DIAPH1: variants seen among roughly 807,000 people sequenced by gnomAD.
DIAPH1 encodes protein diaphanous homolog 1.
A neutral mutation model predicts 140.7 loss-of-function variants in DIAPH1; 46 were observed. The ratio of observed to expected loss-of-function variants is 0.33; its 90% CI spans 0.26 to 0.42. The LOEUF (loss-of-function observed/expected upper bound fraction) is 0.42. Ranked by LOEUF, DIAPH1 falls within the 10% of genes least tolerant of loss-of-function variation. The probability of loss-of-function intolerance (pLI) is 1.00; values close to 1 mark genes in which losing one functional copy is unlikely to be tolerated. For missense variants in DIAPH1, 1,310 were observed against 1,558.7 expected (o/e 0.84, Z 2.69); for synonymous variants, 565 against 551.6 (o/e 1.02, Z -0.34).
chr5:141,571,908 A>G lies in DIAPH1; in HGVS notation c.2473+18T>C, dbSNP rs781448970. 1.9e-6 allele frequency: 3 copies of G among 1,549,256 alleles called. No homozygotes were observed. Among genetic ancestry groups the G allele is most frequent in the Non-Finnish European group, 2.7e-6 (3 of 1,120,830 alleles). On this transcript the variant is annotated intron_variant, in intron 17 of 27. Coordinates refer to ENST00000389054, the MANE Select transcript of DIAPH1 (RefSeq NM_005219.5). Reference sequence around the variant, plus strand: ...AAGCCCTACACTGGACCTTTGCATCAAAGAGGAAGGTACTCACTCTTGGTC... The same window carrying G: ...AAGCCCTACACTGGACCTTTGCATCGAAGAGGAAGGTACTCACTCTTGGTC...
chr5:141,549,886 T>TAC (rs2099891419), intron 18 of DIAPH1, among the ~76,000 whole-genome samples: 1 of 152,146 alleles, frequency 6.6e-6, no homozygotes, highest in Admixed American at 6.6e-5. Context: ...TTTCAGTAAT[T>TAC]ACATTAAATG....
chr5:141,554,133 C>T (rs2099892180), intron 18 of DIAPH1, among the ~76,000 whole-genome samples: 1 of 151,944 alleles, frequency 6.6e-6, no homozygotes, highest in African/African-American at 2.4e-5. Flanking sequence ...CAAAATTAGC[C>T]AGGCATGGTA....
intron 26 of DIAPH1, chr5:141,524,455 T>G: frequency 1.7e-6 from 1 of 577,208 alleles, no homozygotes; most frequent in South Asian, 1.9e-5. Flanking sequence ...TATTATCCAA[T>G]GCAGACCTTG....
intron 18 of DIAPH1, among the ~76,000 whole-genome samples, chr5:141,566,872 G>A (rs2099894447): frequency 6.7e-6 from 1 of 150,258 alleles, no homozygotes; most frequent in Non-Finnish European, 1.5e-5. Context: ...TCCAGTCTGG[G>A]CAACAGAGCA....
At chr5:141,561,019 C>A in intron 18 of DIAPH1, 2 of 438,600 alleles carry the variant, frequency 4.6e-6, no homozygotes, top group South Asian at 3.2e-5. Flanking sequence ...TCCCTAGTCT[C>A]TGACCTCACA....
At chr5:141,614,325 T>C (rs994614842) in intron 1 of DIAPH1, among the ~76,000 whole-genome samples, 1 of 152,182 alleles carries the variant, frequency 6.6e-6, no homozygotes, top group Non-Finnish European at 1.5e-5. Context: ...AACTTATCTT[T>C]TAAATCTCTA....
intron 18 of DIAPH1, among the ~76,000 whole-genome samples, chr5:141,558,748 TAAGA>T (rs2099893048): frequency 6.6e-6 from 1 of 152,010 alleles, no homozygotes; most frequent in Non-Finnish European, 1.5e-5. Context: ...AAAGAACATG[TAAGA>T]AAGGTGGAAA....
chr5:141,552,550 C>A (rs960626056), intron 18 of DIAPH1, among the ~76,000 whole-genome samples: 1 of 152,158 alleles, frequency 6.6e-6, no homozygotes, highest in African/African-American at 2.4e-5. Flanking sequence ...TTCTTTAGAG[C>A]CTCCAGAAGG....
chr5:141,529,190 T>C lies in DIAPH1; in HGVS notation c.2760A>G (p.Ser920=), dbSNP rs1562285053. The C allele has an allele frequency of 1.2e-6, 2 of 1,614,224 alleles. No homozygotes were observed. The highest frequency in any genetic ancestry group is 1.7e-6 in the Non-Finnish European group (2 of 1,180,024). Residue 920 remains serine (S), a synonymous_variant, in exon 21 of 28, where the codon TCA becomes TCG. Coordinates refer to ENST00000389054, the MANE Select transcript of DIAPH1 (RefSeq NM_005219.5). ...LKDEYDDLAE[S]EQFGVVMGTV... ...CACTCACCACCACGCCAAACTGCTC[T>C]GACTCAGCCAGGTCATCATATTCAT...
chr5:141,586,178 T>C (rs2099897516), intron 3 of DIAPH1, among the ~76,000 whole-genome samples: 1 of 152,176 alleles, frequency 6.6e-6, no homozygotes, highest in Non-Finnish European at 1.5e-5. Context: ...CAAGAGACAT[T>C]TAAACTTGCA....
Position 141,575,243 on chromosome 5 carries a change from T to C in DIAPH1, c.1462-97A>G, listed in dbSNP as rs2099895778. The C allele has an allele frequency of 2.3e-6, 3 of 1,291,224 alleles. No homozygotes were observed. The South Asian group carries it at 3.6e-5, about 16-fold the overall frequency. The allele number at this position is 1,291,224 out of a possible 1,614,324, so 80.0% of individuals were successfully genotyped here. Reference sequence around the variant, plus strand: ...AATTCTCCCTACCTCCTCTTTTGCCTGGGGGTGCTGGAATCCCCCCACTGC... The same window carrying C: ...AATTCTCCCTACCTCCTCTTTTGCCCGGGGGTGCTGGAATCCCCCCACTGC... On this transcript the variant is annotated intron_variant, in intron 14 of 27. Transcript: ENST00000389054.
chr5:141,542,294 A>C (rs1281136586), intron 18 of DIAPH1, among the ~76,000 whole-genome samples: 1 of 151,936 alleles, frequency 6.6e-6, no homozygotes, highest in East Asian at 1.9e-4. Flanking sequence ...TTAGCTGGGC[A>C]TGGTGGCGCA....
chr5:141,527,315 T>C (rs753684452), intron 24 of DIAPH1, among the ~76,000 whole-genome samples: 4 of 152,082 alleles, frequency 2.6e-5, no homozygotes, highest in African/African-American at 4.8e-5. Flanking sequence ...CCAAGGAGGC[T>C]GAGGGGGTAA....
intron 18 of DIAPH1, among the ~76,000 whole-genome samples, chr5:141,567,867 T>C (rs1198080272): frequency 6.6e-6 from 1 of 152,246 alleles, no homozygotes; most frequent in Admixed American, 6.5e-5. Context: ...ACAACAGTAC[T>C]GGACCCACAC....
intron 1 of DIAPH1, 98 bp from the exon 2 acceptor site, chr5:141,588,348 G>T: frequency 1.2e-6 from 1 of 856,128 alleles, no homozygotes; most frequent in Non-Finnish European, 2.0e-6. Flanking sequence ...AAGAGGGAGA[G>T]AAGTTGAAAG....
intron 18 of DIAPH1, among the ~76,000 whole-genome samples, chr5:141,551,933 T>G (rs1395871635): frequency 6.6e-6 from 1 of 152,168 alleles, no homozygotes; most frequent in African/African-American, 2.4e-5. Flanking sequence ...TTCTAAAGAC[T>G]GAAATCACAA....
At chr5:141,562,620 C>A (rs796086264) in intron 18 of DIAPH1, among the ~76,000 whole-genome samples, 7,614 of 129,596 alleles carry the variant, frequency 0.059, 335 homozygotes, top group South Asian at 0.098. Context: ...AAAAAAAAAA[C>A]AAACAAAAAA....
rs2099895252 is a variant in DIAPH1, at chr5:141,571,973, T to C, written c.2426A>G (p.Asn809Ser). The C allele has an allele frequency of 1.9e-6, 3 of 1,614,062 alleles. No homozygotes were observed. The highest frequency in any genetic ancestry group is 3.3e-5 in the Admixed American group (2 of 60,002). Residue 809 changes from asparagine (N) to serine (S), a missense_variant, in exon 17 of 28, where the codon AAT (asparagine) becomes AGT (serine). By Grantham distance (46) the Asn-to-Ser change is conservative. This residue lies in a region of DIAPH1 where 589 missense variants were observed against 549.3 expected (regional missense o/e 1.07). Transcript: ENST00000389054. Reference sequence around the variant, plus strand: ...AAGGGTAAGTTTGGCGAAAAGTTCATTGTTCTCAAAGCGGTCCTCCTTCAC... The same window carrying C: ...AAGGGTAAGTTTGGCGAAAAGTTCACTGTTCTCAAAGCGGTCCTCCTTCAC... ...TKVKEDRFEN[N>S]ELFAKLTLTF...
rs150189243 is a variant in DIAPH1 at position 141,525,358 on chromosome 5, T to C, written c.3574+680A>G. 7.5e-4 allele frequency among the ~76,000 whole-genome samples: 114 copies of C among 152,014 alleles called. No homozygotes were observed. The East Asian group carries it at 0.016, about 21-fold the overall frequency. ...GGCTCAGTGCTGTGTGAGCAGTGTA[T>C]GCTGTATTTCCGCTGCCCACAGAGA... is the stretch of plus-strand genomic sequence containing the variant. On this transcript the variant is annotated intron_variant, in intron 26 of 27. Transcript: ENST00000389054.
Sources: allele counts gnomAD v4.1 joint callset (sites outside exome capture counted in the v4.1 genomes callset), GRCh38; gene constraint gnomAD v4.1.1; regional missense constraint gnomAD v4.1.1; transcripts MANE v1.5; gene names NCBI Gene and HGNC (gene_info 2026-07-23, HGNC 2026-07-21).